ROBO2: variants seen among roughly 807,000 people sequenced by gnomAD.
ROBO2 encodes the protein roundabout homolog 2.
In ROBO2, 53 loss-of-function variants were observed where a neutral mutation model predicts 160.8. That is an observed-to-expected ratio of 0.33 (90% confidence interval 0.26 to 0.41). The LOEUF is 0.41. ROBO2 is among the 10% of genes least tolerant of loss of function. The pLI, the probability that ROBO2 is intolerant of heterozygous loss-of-function variation, is 1.00. For missense variants in ROBO2, 1,577 were observed against 1,722.4 expected, an observed-to-expected ratio of 0.92 and a Z score of 1.49; for synonymous variants, 664 against 611.7, an observed-to-expected ratio of 1.09 and a Z score of -1.26.
intron 2 of ROBO2, among the ~76,000 whole-genome samples, chr3:76,008,232 C>CAAAAAAAAAAAAAAAAAA (rs5850225): frequency 2.4e-5 from 2 of 82,280 alleles, no homozygotes; most frequent in Admixed American, 1.5e-4. Flanking sequence ...AAGACTCTGT[C>CAAAAAAAAAAAAAAAAAA]AAAAAAAAAA....
intron 2 of ROBO2, among the ~76,000 whole-genome samples, chr3:76,459,416 T>A (rs1199945169): frequency 6.6e-6 from 1 of 152,228 alleles, no homozygotes; most frequent in Admixed American, 6.5e-5. Context: ...TCTATGTTTC[T>A]TTCTATTCAT....
intron 2 of ROBO2, among the ~76,000 whole-genome samples, chr3:77,137,357 G>C (rs2076361109): frequency 6.6e-6 from 1 of 152,144 alleles, no homozygotes; most frequent in Non-Finnish European, 1.5e-5. Flanking sequence ...CTCCTGAATA[G>C]CTGGGATTAC....
Position 77,644,634 on chromosome 3 carries a change from T to C in ROBO2, c.3935-70T>C, listed in dbSNP as rs1038668535. ...AAGTAGGCCATTCACAGTGTTATAT[T>C]CAAGAGTTAAGTTTAGTTTGCCTCC... On this transcript the variant is annotated intron_variant, in intron 24 of 25. Coordinates refer to ENST00000461745, the Ensembl canonical transcript of ROBO2. 3.0e-6 allele frequency: 4 copies of C among 1,351,136 alleles called. No individual in the cohort carries two copies. The African/African-American group carries it at 4.3e-5, about 15-fold the overall frequency. The allele number at this position is 1,351,136 out of a possible 1,614,324, so 83.7% of individuals were successfully genotyped here.
intron 2 of ROBO2, among the ~76,000 whole-genome samples, chr3:76,722,618 A>T (rs760408032): frequency 6.6e-6 from 1 of 152,054 alleles, no homozygotes; most frequent in Non-Finnish European, 1.5e-5. Context: ...CTCTCCCTAC[A>T]CCCTCAGGCT....
At chr3:77,169,493 C>T (rs565776840) in intron 2 of ROBO2, among the ~76,000 whole-genome samples, 68 of 152,234 alleles carry the variant, frequency 4.5e-4, no homozygotes, top group Non-Finnish European at 7.6e-4. Context: ...AAACTCCTCC[C>T]AGAATTTTTC....
intron 2 of ROBO2, among the ~76,000 whole-genome samples, chr3:76,092,014 T>A (rs1034681744): frequency 3.9e-5 from 6 of 152,152 alleles, no homozygotes; most frequent in African/African-American, 1.4e-4. Flanking sequence ...TACGACATTA[T>A]ACATTTCTCA....
intron 2 of ROBO2, among the ~76,000 whole-genome samples, chr3:76,141,679 G>T (rs1017681478): frequency 2.0e-5 from 3 of 151,942 alleles, no homozygotes; most frequent in African/African-American, 7.3e-5. Flanking sequence ...GAGGGCCTGA[G>T]TCCCAGTCTA....
intron 2 of ROBO2, among the ~76,000 whole-genome samples, chr3:77,436,473 T>C (rs1364520157): frequency 6.6e-6 from 1 of 151,856 alleles, no homozygotes; most frequent in Non-Finnish European, 1.5e-5. Flanking sequence ...ACACATTTTA[T>C]TTTCTTGGGC....
At chr3:77,399,388 TC>T (rs2075593981) in intron 2 of ROBO2, among the ~76,000 whole-genome samples, 1 of 152,188 alleles carries the variant, frequency 6.6e-6, no homozygotes, top group South Asian at 2.1e-4. Context: ...AATCTTTTTT[TC>T]TTTTTACAAT....
intron 1 of ROBO2, among the ~76,000 whole-genome samples, chr3:77,090,722 C>CA: frequency 6.6e-6 from 1 of 152,158 alleles, no homozygotes. Context: ...GTTAACTGAT[C>CA]AATAACCTGT....
rs11409908 is a variant in ROBO2, at chr3:77,103,407, C to CTT, written c.388+5079_388+5080dup. Among the ~76,000 whole-genome samples the CTT allele has an allele frequency of 4.6e-3, 674 of 146,508 alleles. 18 individuals are homozygous for CTT. The South Asian group carries it at 0.063, about 14-fold the overall frequency. On this transcript the variant is annotated intron_variant, in intron 2 of 25. Transcript: ENST00000461745. ...GGTCAGGGGTCACATAGAAACCAAT[C>CTT]TTTTTTTTTTTTTCTTTTTTCTTAC...
At chr3:77,351,822 CA>C (rs2068374584) in intron 2 of ROBO2, among the ~76,000 whole-genome samples, 1 of 151,922 alleles carries the variant, frequency 6.6e-6, no homozygotes, top group South Asian at 2.1e-4. Flanking sequence ...ATAAGAGTCG[CA>C]GGTTTTTTTG....
At chr3:77,316,323 T>TA (rs142717995) in intron 2 of ROBO2, among the ~76,000 whole-genome samples, 7 of 152,090 alleles carry the variant, frequency 4.6e-5, no homozygotes, top group South Asian at 2.1e-4. Context: ...AAGATCTGTA[T>TA]AAAAAAGTCT....
rs539771569 is a variant in ROBO2, at chr3:77,424,037, T to C, written c.389-53377T>C. On this transcript the variant is annotated intron_variant, in intron 2 of 25. Transcript: ENST00000461745. ...CCCCTTATTTTATAAATGAGAATAC[T>C]GATGCTCAGAAAAATACCTTGATAT... is the stretch of plus-strand genomic sequence containing the variant. Among the ~76,000 whole-genome samples the C allele has an allele frequency of 2.6e-5, 4 of 152,274 alleles. No individual in the cohort carries two copies. In the East Asian group the frequency reaches 7.7e-4, roughly 29 times the overall value.
At chr3:76,157,825 A>G (rs1469279723) in intron 2 of ROBO2, among the ~76,000 whole-genome samples, 1 of 152,138 alleles carries the variant, frequency 6.6e-6, no homozygotes, top group Admixed American at 6.6e-5. Context: ...AGATTTAACT[A>G]CCATTTCTAA....
intron 2 of ROBO2, among the ~76,000 whole-genome samples, chr3:76,753,752 T>G (rs2060812537): frequency 6.6e-6 from 1 of 151,922 alleles, no homozygotes; most frequent in African/African-American, 2.4e-5. Context: ...TCATTAAAAT[T>G]TCCCCTGTCT....
At chr3:76,204,165 T>G (rs2107274769) in intron 2 of ROBO2, among the ~76,000 whole-genome samples, 1 of 152,312 alleles carries the variant, frequency 6.6e-6, no homozygotes, top group South Asian at 2.1e-4. Context: ...GATAGTAGTT[T>G]GGGAGGAACT....
chr3:77,358,895 G>A (rs1180407585), intron 2 of ROBO2, among the ~76,000 whole-genome samples: 2 of 152,186 alleles, frequency 1.3e-5, no homozygotes, highest in East Asian at 1.9e-4. Context: ...AATTATTATA[G>A]TAGGTCTGCA....
intron 2 of ROBO2, among the ~76,000 whole-genome samples, chr3:76,387,091 T>C (rs2108608993): frequency 6.6e-6 from 1 of 152,292 alleles, no homozygotes; most frequent in East Asian, 1.9e-4. Flanking sequence ...ACAATTGCTC[T>C]CTGCTTCCAA....
Sources: gnomAD v4.1 joint callset for allele counts (sites outside exome capture counted in the v4.1 genomes callset) on GRCh38, gnomAD v4.1.1 for gene constraint, MANE v1.5 for transcripts, NCBI Gene and HGNC (gene_info 2026-07-23, HGNC 2026-07-21) for gene names.